Variants in KIAA0319 observed in about 807,000 individuals in gnomAD.
KIAA0319 encodes KIAA0319.
Under a neutral mutation model 108.4 loss-of-function variants are expected in KIAA0319, and 83 were observed. The observed-to-expected ratio is 0.77, with a 90% confidence interval of 0.64 to 0.92. KIAA0319 has a LOEUF of 0.92. Among genes scored for constraint, KIAA0319 ranks in the 40% least tolerant of loss-of-function variants. KIAA0319 has a pLI of 0.00. For missense variants in KIAA0319, 1,195 were observed against 1,322.4 expected, an observed-to-expected ratio of 0.90 and a Z score of 1.49; for synonymous variants, 484 against 510.4, an observed-to-expected ratio of 0.95 and a Z score of 0.70.
chr6:24,588,960 C>T (rs546387446), intron 3 of KIAA0319, among the ~76,000 whole-genome samples, 175 bp from the exon 4 acceptor site: 2 of 152,278 alleles, frequency 1.3e-5, no homozygotes, highest in Non-Finnish European at 2.9e-5. Flanking sequence ...ACTCTCTTTG[C>T]TGTCTATTAG....
intron 1 of KIAA0319, among the ~76,000 whole-genome samples, chr6:24,625,821 A>G (rs993553503): frequency 2.0e-5 from 3 of 152,220 alleles, no homozygotes; most frequent in Non-Finnish European, 4.4e-5. Flanking sequence ...ACATACTAAC[A>G]GCATCACAAA....
In KIAA0319 at chr6:24,576,423, A is replaced by G; in HGVS notation, c.1679T>C (p.Val560Ala). Residue 560 changes from valine to alanine, a missense_variant, in exon 10 of 21, where the codon GTC (valine) becomes GCC (alanine). Val to Ala is a moderately conservative substitution (Grantham distance 64). Transcript: ENST00000378214. ...GNQSSDDHQI[V>A]LYEWSLGPGS... ...AGGACCCAGGGACCACTCATAGAGGACAATCTGGTGATCGTCACTGCTCTG... is the reference window on the plus strand; with the variant it reads ...AGGACCCAGGGACCACTCATAGAGGGCAATCTGGTGATCGTCACTGCTCTG... The G allele has an allele frequency of 6.2e-7, 1 of 1,614,154 alleles. No homozygotes were observed. The highest frequency in any genetic ancestry group is 8.5e-7 in the Non-Finnish European group (1 of 1,180,016).
intron 1 of KIAA0319, among the ~76,000 whole-genome samples, chr6:24,624,440 T>C (rs929716860): frequency 2.0e-5 from 3 of 151,998 alleles, no homozygotes; most frequent in Non-Finnish European, 4.4e-5. Context: ...TGCATACAAA[T>C]AAAAATTTTT....
intron 3 of KIAA0319, among the ~76,000 whole-genome samples, chr6:24,591,967 T>C (rs1431639394): frequency 6.6e-6 from 1 of 152,228 alleles, no homozygotes; most frequent in Non-Finnish European, 1.5e-5. Flanking sequence ...TCCCATTTTA[T>C]GGTATATTTA....
chr6:24,576,109 T>C (rs2744558), intron 10 of KIAA0319, among the ~76,000 whole-genome samples: 7,486 of 152,262 alleles, frequency 0.049, 418 homozygotes, highest in African/African-American at 0.13. Context: ...TGTGAGACTT[T>C]TCCCAAACCG....
chr6:24,589,228 A>T (rs918544881), intron 3 of KIAA0319, among the ~76,000 whole-genome samples: 5 of 152,166 alleles, frequency 3.3e-5, no homozygotes, highest in African/African-American at 1.2e-4. Flanking sequence ...TCGTGCCCTT[A>T]TAAGTAGAGG....
Position 24,601,227 on chromosome 6 carries a change from A to C in KIAA0319, c.-105-19T>G. On this transcript the variant is annotated intron_variant, in intron 1 of 20. Coordinates refer to ENST00000378214, the MANE Select transcript of KIAA0319 (RefSeq NM_014809.4). ...TCAAGAACTTCAAAGGAAAAACATA[A>C]AAGAGGAAGGAAGAAAAGAATAGGT... 2 of 1,535,478 alleles carry C rather than the reference A, an allele frequency of 1.3e-6. No homozygotes were observed. The highest frequency in any genetic ancestry group is 2.5e-5 in the South Asian group (2 of 79,260).
chr6:24,640,837 G>A (rs9467245), intron 1 of KIAA0319, among the ~76,000 whole-genome samples: 106,601 of 151,620 alleles, frequency 0.7, 38,030 homozygotes, highest in East Asian at 0.87. Flanking sequence ...ATTTTTTTGT[G>A]GAGACGAGGT....
At chr6:24,644,236 G>A (rs1175028069) in intron 1 of KIAA0319, among the ~76,000 whole-genome samples, 6 of 82,208 alleles carry the variant, frequency 7.3e-5, no homozygotes, top group Non-Finnish European at 4.7e-5. Flanking sequence ...TAGCTTCCTG[G>A]ACAGGGGAGA....
At chr6:24,577,747 T>C (rs1341562854) in intron 9 of KIAA0319, among the ~76,000 whole-genome samples, 1 of 152,164 alleles carries the variant, frequency 6.6e-6, no homozygotes, top group African/African-American at 2.4e-5. Context: ...ACCAAACATC[T>C]AAAGTCCTTC....
chr6:24,593,311 G>T (rs1446773502), intron 3 of KIAA0319, among the ~76,000 whole-genome samples: 3 of 150,260 alleles, frequency 2.0e-5, no homozygotes, highest in Non-Finnish European at 4.4e-5. Flanking sequence ...AGTGAGTAAT[G>T]AGTAGAATAA....
chr6:24,565,305 G>A (rs916240853), intron 14 of KIAA0319, among the ~76,000 whole-genome samples: 4 of 148,756 alleles, frequency 2.7e-5, no homozygotes, highest in African/African-American at 1.0e-4. Flanking sequence ...CCACTCCTTA[G>A]TACATCTCCA....
intron 8 of KIAA0319, among the ~76,000 whole-genome samples, chr6:24,579,022 T>A (rs1413573592): frequency 6.6e-6 from 1 of 152,204 alleles, no homozygotes; most frequent in African/African-American, 2.4e-5. Flanking sequence ...TCTCTGTAAA[T>A]TTGCAGGCTT....
chr6:24,547,033 G>C lies in KIAA0319; in HGVS notation c.*132C>G. 1 of 900,836 alleles carries C rather than the reference G, an allele frequency of 1.1e-6. No individual in the cohort carries two copies. Among genetic ancestry groups the C allele is most frequent in the Non-Finnish European group, 1.7e-6 (1 of 584,264 alleles). 55.8% of individuals were successfully genotyped at this position (900,836 alleles called of 1,614,324 possible). On this transcript the variant is annotated 3_prime_UTR_variant, in exon 21 of 21. Transcript: ENST00000378214. ...CCTTCAAAAACCGGTCTTTTAGTAC[G>C]TGGGGATACACATCTAACCCACTGG...
Position 24,624,024 on chromosome 6 carries a change from T to TTC in KIAA0319, c.-106+21711_-106+21712insGA, listed in dbSNP as rs1562090952. Among the ~76,000 whole-genome samples, 156 of 139,124 alleles carry TTC rather than the reference T, an allele frequency of 1.1e-3. 5 individuals are homozygous for TTC. The East Asian group carries it at 0.026, about 23-fold the overall frequency. 91.3% of individuals were successfully genotyped at this position (139,124 alleles called of 152,430 possible). ...TTTGAATTTCTTTGTTTTCTTTTTT[T>TTC]TTTTTTTTTTTTTTTTTTTAGACAA... On this transcript the variant is annotated intron_variant, in intron 1 of 20. Coordinates refer to ENST00000378214, the MANE Select transcript of KIAA0319 (RefSeq NM_014809.4).
At position 24,601,030 on chromosome 6, in the gene KIAA0319, C is replaced by T. The variant is rs1562040700; in HGVS notation, c.55+19G>A. On this transcript the variant is annotated intron_variant, in intron 2 of 20. Coordinates refer to ENST00000378214, the MANE Select transcript of KIAA0319 (RefSeq NM_014809.4). ...AACTCAAGTCCAACACGGGTATCTC[C>T]AGGGTAGTAGTTCCCTACCTGCAAT... 9.9e-6 allele frequency: 16 copies of T among 1,613,678 alleles called. No individual in the cohort carries two copies. The East Asian group carries it at 3.6e-4, about 36-fold the overall frequency.
chr6:24,587,560 G>A (rs186082998), intron 4 of KIAA0319, among the ~76,000 whole-genome samples: 16 of 152,022 alleles, frequency 1.1e-4, no homozygotes, highest in East Asian at 5.8e-4. Context: ...GATTACAGGC[G>A]TGAGCCACCG....
chr6:24,553,420 T>G (rs1761867933), intron 19 of KIAA0319, among the ~76,000 whole-genome samples: 1 of 151,382 alleles, frequency 6.6e-6, no homozygotes, highest in African/African-American at 2.4e-5. Context: ...GTTATAATGC[T>G]GGGGCACTTT....
At chr6:24,540,991 T>TA (rs1486419301), downstream of KIAA0319, among the ~76,000 whole-genome samples, 3 of 152,216 alleles carry the variant, frequency 2.0e-5, no homozygotes, top group Non-Finnish European at 4.4e-5. Context: ...CATCAATAGT[T>TA]AGATTTGTGT....
Sources: gnomAD v4.1 joint callset for allele counts (sites outside exome capture counted in the v4.1 genomes callset) on GRCh38, gnomAD v4.1.1 for gene constraint, MANE v1.5 for transcripts, NCBI Gene and HGNC (gene_info 2026-07-23, HGNC 2026-07-21) for gene names.